Variants in AFF3 observed in about 807,000 individuals in gnomAD.
AFF3 encodes AF4/FMR2 family member 3.
AFF3 carries 32 observed loss-of-function variants against 129.7 expected under a neutral mutation model. The ratio of observed to expected loss-of-function variants is 0.25; its 90% CI spans 0.19 to 0.33. The LOEUF (loss-of-function observed/expected upper bound fraction) is 0.33, where lower values mean the gene tolerates loss of function less well. Among genes scored for constraint, AFF3 ranks in the 10% least tolerant of loss-of-function variants. The pLI is 1.00. For missense variants in AFF3, 1,373 were observed against 1,592.0 expected (o/e 0.86, Z 2.34); for synonymous variants, 644 against 635.4 (o/e 1.01, Z -0.20).
chr2:100,050,144 G>A (rs1686169770), intron 4 of AFF3, among the ~76,000 whole-genome samples: 1 of 149,680 alleles, frequency 6.7e-6, no homozygotes, highest in Admixed American at 6.6e-5. Flanking sequence ...CCAGGGGTGA[G>A]CCGAGATCAC....
intron 7 of AFF3, among the ~76,000 whole-genome samples, chr2:99,893,718 C>T (rs890063398): frequency 6.6e-6 from 1 of 152,184 alleles, no homozygotes; most frequent in African/African-American, 2.4e-5. Flanking sequence ...GTTTTATAAA[C>T]TAGAGAAGAA....
intron 7 of AFF3, among the ~76,000 whole-genome samples, chr2:99,922,079 G>A (rs894007094): frequency 3.3e-5 from 5 of 152,128 alleles, no homozygotes; most frequent in Non-Finnish European, 7.4e-5. Flanking sequence ...TGAGGATATG[G>A]AGTAACGATA....
chr2:99,851,956 T>A lies in AFF3; in HGVS notation c.874-14432A>T, dbSNP rs1430050916. 2.0e-5 allele frequency among the ~76,000 whole-genome samples: 3 copies of A among 152,112 alleles called. No homozygotes were observed. The South Asian group carries it at 6.2e-4, about 32-fold the overall frequency. ...CTCTAAGACTAGTCCTAGCCTGAAG[T>A]CACAGAGACCTTTAATGCAGGTCAC... is the stretch of plus-strand genomic sequence containing the variant. On this transcript the variant is annotated intron_variant, in intron 7 of 24. Transcript: ENST00000672756.
At chr2:99,855,278 G>A (rs1690443573) in intron 7 of AFF3, among the ~76,000 whole-genome samples, 1 of 152,162 alleles carries the variant, frequency 6.6e-6, no homozygotes, top group South Asian at 2.1e-4. Context: ...AGTAAAAACT[G>A]AATTGTACAT....
chr2:99,636,920 C>T (rs1257748647), intron 13 of AFF3, among the ~76,000 whole-genome samples: 2 of 152,198 alleles, frequency 1.3e-5, no homozygotes, highest in Non-Finnish European at 2.9e-5. Flanking sequence ...GAGCAGGTCA[C>T]GGGGCGGCAG....
chr2:99,931,853 G>T (rs1410778410), intron 7 of AFF3, among the ~76,000 whole-genome samples: 2 of 152,208 alleles, frequency 1.3e-5, no homozygotes, highest in African/African-American at 2.4e-5. Flanking sequence ...AGGTTGCAGT[G>T]AGCCGAAATG....
intron 7 of AFF3, among the ~76,000 whole-genome samples, chr2:99,919,095 T>A (rs1053817352): frequency 2.0e-5 from 3 of 152,120 alleles, no homozygotes; most frequent in Non-Finnish European, 4.4e-5. Context: ...TAATCATTAA[T>A]TCCCCCCGGT....
chr2:99,682,201 C>G (rs1232892158), intron 11 of AFF3, among the ~76,000 whole-genome samples: 3 of 152,138 alleles, frequency 2.0e-5, no homozygotes, highest in African/African-American at 7.2e-5. Context: ...GCCACCACAC[C>G]TGGCCACTGC....
At chr2:99,654,352 T>G (rs555550533) in intron 12 of AFF3, among the ~76,000 whole-genome samples, 11 of 152,204 alleles carry the variant, frequency 7.2e-5, no homozygotes, top group African/African-American at 2.7e-4. Flanking sequence ...ATTAATTGTA[T>G]ATATACCAGA....
chr2:100,051,132 G>A (rs1376799544), intron 4 of AFF3, among the ~76,000 whole-genome samples: 1 of 152,114 alleles, frequency 6.6e-6, no homozygotes, highest in Non-Finnish European at 1.5e-5. Context: ...ACCTCAAATA[G>A]TCATTCAGGT....
At chr2:99,558,182 T>C (rs562706701) in intron 22 of AFF3, among the ~76,000 whole-genome samples, 1 of 152,292 alleles carries the variant, frequency 6.6e-6, no homozygotes, top group East Asian at 1.9e-4. Context: ...TACTAGAGAC[T>C]GGCTAAGAGG....
At chr2:99,767,530 A>C (rs894303593) in intron 8 of AFF3, among the ~76,000 whole-genome samples, 17 of 152,238 alleles carry the variant, frequency 1.1e-4, no homozygotes, top group Admixed American at 8.5e-4. Context: ...AAAATGAGGT[A>C]GACAGTAAAC....
rs750695427 is a variant in AFF3 at position 99,587,147 on chromosome 2, C to T, written c.2591+7G>A. 9.3e-6 allele frequency: 15 copies of T among 1,613,920 alleles called. No individual in the cohort carries two copies. The highest frequency in any genetic ancestry group is 1.2e-5 in the Non-Finnish European group (14 of 1,179,954). On this transcript the variant is annotated splice_region_variant and intron_variant, in intron 16 of 24. Coordinates refer to ENST00000672756, the MANE Select transcript of AFF3 (RefSeq NM_001386135.1). The stretch of plus-strand genomic sequence containing the variant: ...GCTCACTTCCACTTTGGAGGGAATG[C>T]ACGTACCTGTTGATGTTCATGTTGC...
At chr2:99,757,272 G>C (rs1158178483) in intron 8 of AFF3, among the ~76,000 whole-genome samples, 1 of 152,096 alleles carries the variant, frequency 6.6e-6, no homozygotes, top group Admixed American at 6.5e-5. Context: ...CACTCAACCT[G>C]GGTGCTCATG....
intron 10 of AFF3, among the ~76,000 whole-genome samples, chr2:99,743,806 T>C (rs1317916055): frequency 6.6e-6 from 1 of 152,214 alleles, no homozygotes; most frequent in Non-Finnish European, 1.5e-5. Context: ...TTAAGTTTTT[T>C]TCTCCCTCCA....
chr2:100,106,388 G>A (rs913950603), intron 2 of AFF3: 3 of 1,092,162 alleles, frequency 2.7e-6, no homozygotes, highest in Non-Finnish European at 3.4e-6. Context: ...AAGTACAGGT[G>A]TGAAGGGCTG....
intron 8 of AFF3, among the ~76,000 whole-genome samples, chr2:99,827,978 A>T (rs1688220112): frequency 1.3e-5 from 2 of 152,084 alleles, no homozygotes; most frequent in Admixed American, 1.3e-4. Context: ...GAGGACAGTG[A>T]CAAGGAGGTG....
At chr2:99,603,828 A>G (rs1680073651) in intron 13 of AFF3, among the ~76,000 whole-genome samples, 1 of 152,228 alleles carries the variant, frequency 6.6e-6, no homozygotes, top group Admixed American at 6.5e-5. Flanking sequence ...ACATAAACAA[A>G]CACTTCAAAA....
At chr2:99,782,689 T>C (rs891871111) in intron 8 of AFF3, among the ~76,000 whole-genome samples, 8 of 152,208 alleles carry the variant, frequency 5.3e-5, no homozygotes, top group Admixed American at 5.2e-4. Flanking sequence ...ATTAGGTTTG[T>C]GGATGAACAA....
Sources: allele counts gnomAD v4.1 joint callset (sites outside exome capture counted in the v4.1 genomes callset), GRCh38; gene constraint gnomAD v4.1.1; transcripts MANE v1.5; gene names NCBI Gene and HGNC (gene_info 2026-07-23, HGNC 2026-07-21).